Variants in LRRFIP1 observed in about 807,000 individuals in gnomAD.
LRRFIP1 encodes the protein LRR binding FLII interacting protein 1, also known as leucine-rich repeat flightless-interacting protein 1.
Under a neutral mutation model 104.4 loss-of-function variants are expected in LRRFIP1, and 62 were observed. The observed-to-expected ratio is 0.59, with a 90% CI of 0.48 to 0.73. The LOEUF is 0.73. Among genes scored for constraint, LRRFIP1 ranks in the 30% least tolerant of loss-of-function variants. The pLI, the probability that LRRFIP1 is intolerant of heterozygous loss-of-function variation, is 0.00. For missense variants in LRRFIP1, 796 were observed against 824.5 expected (o/e 0.97, Z 0.42); for synonymous variants, 300 against 299.0 (o/e 1.00, Z -0.03).
chr2:237,706,193 T>C (rs2093796581), intron 1 of LRRFIP1, among the ~76,000 whole-genome samples: 1 of 152,126 alleles, frequency 6.6e-6, no homozygotes, highest in African/African-American at 2.4e-5. Flanking sequence ...TCCCACACAG[T>C]GGGAGAGGGG....
At chr2:237,755,223 G>T (rs1218578209) in intron 15 of LRRFIP1, among the ~76,000 whole-genome samples, 3 of 152,206 alleles carry the variant, frequency 2.0e-5, no homozygotes, top group African/African-American at 4.8e-5. Context: ...AGCCTCAGGT[G>T]GGGAGGCCAG....
chr2:237,758,407 A>G (rs918766923), intron 17 of LRRFIP1, among the ~76,000 whole-genome samples: 1 of 152,214 alleles, frequency 6.6e-6, no homozygotes, highest in African/African-American at 2.4e-5. Flanking sequence ...GACTTTGCGT[A>G]ACTCTAACGC....
chr2:237,716,608 T>C (rs1559649407), intron 3 of LRRFIP1, among the ~76,000 whole-genome samples: 1 of 152,240 alleles, frequency 6.6e-6, no homozygotes, highest in Non-Finnish European at 1.5e-5. Flanking sequence ...GTAAAACAAT[T>C]TCAAAAATGG....
chr2:237,764,360 T>G, intron 19 of LRRFIP1: 1 of 1,466,030 alleles, frequency 6.8e-7, no homozygotes, highest in South Asian at 1.5e-5. Flanking sequence ...GTTATCAGTG[T>G]ACGTTCTAAT....
At chr2:237,776,504 A>G (rs2061107785) in intron 23 of LRRFIP1, among the ~76,000 whole-genome samples, 1 of 152,164 alleles carries the variant, frequency 6.6e-6, no homozygotes, top group Non-Finnish European at 1.5e-5. Flanking sequence ...TTAAATTCTC[A>G]GTAGCTGATA....
chr2:237,756,557 A>G (rs992051708), intron 16 of LRRFIP1, among the ~76,000 whole-genome samples: 4 of 152,240 alleles, frequency 2.6e-5, no homozygotes, highest in Admixed American at 1.3e-4. Flanking sequence ...ATACAGTCAC[A>G]TTGGGCATTA....
intron 1 of LRRFIP1, among the ~76,000 whole-genome samples, chr2:237,695,784 G>T (rs1444849719): frequency 1.3e-5 from 2 of 151,422 alleles, no homozygotes; most frequent in Non-Finnish European, 2.9e-5. Flanking sequence ...AAAGAAGCTT[G>T]TTTTCATGGA....
chr2:237,764,295 T>C (rs56151225), intron 19 of LRRFIP1: 66,580 of 1,540,720 alleles, frequency 0.043, 1,563 homozygotes, highest in Middle Eastern at 0.069. Flanking sequence ...AGACTGTTAC[T>C]TGTAGATTTC....
chr2:237,753,373 A>G lies in LRRFIP1; in HGVS notation c.932A>G (p.Asn311Ser), dbSNP rs1484911748. ...ATGGTTTCCAATGCTCAGCTAGACA[A>G]TGAAAAGACAAACTTCATGTACCAG... ...KAMVSNAQLD[N>S]EKTNFMYQVD... The change falls in exon 15 of 24, where the codon AAT (asparagine) becomes AGT (serine). Residue 311 changes from asparagine to serine, a missense_variant. Coordinates refer to ENST00000308482, the MANE Select transcript of LRRFIP1 (RefSeq NM_001137550.2). The G allele has an allele frequency of 6.2e-7, 1 of 1,607,410 alleles. No individual in the cohort carries two copies. The highest frequency in any genetic ancestry group is 8.5e-7 in the Non-Finnish European group (1 of 1,178,528).
In LRRFIP1 at chr2:237,739,560, T is replaced by C. The variant is rs1355905329; in HGVS notation, c.633+251T>C. ...ATGTGCACGGATGTGTGGTTTTCTT[T>C]TTATGATTTAAAAATTTGAAGTATT... is the stretch of plus-strand genomic sequence containing the variant. On this transcript the variant is annotated intron_variant, in intron 11 of 23. Coordinates refer to ENST00000308482, the MANE Select transcript of LRRFIP1 (RefSeq NM_001137550.2). Among the ~76,000 whole-genome samples, 3 of 152,310 alleles carry C rather than the reference T, an allele frequency of 2.0e-5. No individual in the cohort carries two copies. In the East Asian group the frequency reaches 5.8e-4, roughly 29 times the overall value.
In LRRFIP1 at chr2:237,717,826, A is replaced by C. The variant is rs1431907856; in HGVS notation, c.249+17A>C. ...CAGTGGATGGTAGGCCTTGAATATA[A>C]TTTTGTTTTTACTCTTCCCTCCCCA... On this transcript the variant is annotated intron_variant, in intron 4 of 23. Transcript: ENST00000308482. The surrounding 1 kb of genome is among the most constrained non-coding windows in gnomAD (Gnocchi z 4.2). 3.1e-6 allele frequency: 5 copies of C among 1,605,614 alleles called. No homozygotes were observed. The Admixed American group carries it at 8.3e-5, about 27-fold the overall frequency.
intron 1 of LRRFIP1, among the ~76,000 whole-genome samples, chr2:237,646,011 GGATAACAACA>G (rs2084855713): frequency 6.6e-6 from 1 of 151,966 alleles, no homozygotes; most frequent in South Asian, 2.1e-4. Flanking sequence ...TGGGGACTCT[GGATAACAACA>G]GACAACAACA....
intron 2 of LRRFIP1, among the ~76,000 whole-genome samples, chr2:237,710,092 A>G (rs114960922): frequency 1.9e-4 from 29 of 151,902 alleles, no homozygotes; most frequent in African/African-American, 7.0e-4. Context: ...ATCTCAAGTG[A>G]TCCTCCCGCC....
chr2:237,754,448 C>T (rs984812349), intron 15 of LRRFIP1, among the ~76,000 whole-genome samples: 1 of 152,174 alleles, frequency 6.6e-6, no homozygotes, highest in Non-Finnish European at 1.5e-5. Context: ...ACTGATTCCA[C>T]GAAGGCTGGG....
chr2:237,752,696 G>A (rs984382894), intron 14 of LRRFIP1, among the ~76,000 whole-genome samples: 11 of 152,222 alleles, frequency 7.2e-5, no homozygotes, highest in Admixed American at 7.2e-4. Context: ...GTATTTTACA[G>A]GCCTCTTTCT....
chr2:237,705,594 G>T (rs2093763007), intron 1 of LRRFIP1, among the ~76,000 whole-genome samples: 1 of 151,978 alleles, frequency 6.6e-6, no homozygotes, highest in Non-Finnish European at 1.5e-5. Flanking sequence ...AACCTGGGAG[G>T]CAGAGGTTAC....
At chr2:237,681,712 C>A (rs1191962572) in intron 1 of LRRFIP1, among the ~76,000 whole-genome samples, 3 of 25,090 alleles carry the variant, frequency 1.2e-4, no homozygotes, top group Non-Finnish European at 2.8e-4. Flanking sequence ...CGGAGTCTCG[C>A]TCTGTCGCCC....
In LRRFIP1 at chr2:237,717,839, T is replaced by C. The variant is rs762793103; in HGVS notation, c.249+30T>C. On this transcript the variant is annotated intron_variant, in intron 4 of 23. Coordinates refer to ENST00000308482, the MANE Select transcript of LRRFIP1 (RefSeq NM_001137550.2). The surrounding 1 kb of genome is among the most constrained non-coding windows in gnomAD (Gnocchi z 4.2). The stretch of plus-strand genomic sequence containing the variant: ...GCCTTGAATATAATTTTGTTTTTAC[T>C]CTTCCCTCCCCACTTGAATACAGTG... The C allele has an allele frequency of 5.3e-5, 82 of 1,549,300 alleles. No individual in the cohort carries two copies. Among genetic ancestry groups the C allele is most frequent in the Non-Finnish European group, 2.9e-5 (32 of 1,121,194 alleles).
At chr2:237,655,196 C>T (rs534199194) in intron 1 of LRRFIP1, among the ~76,000 whole-genome samples, 1 of 78,744 alleles carries the variant, frequency 1.3e-5, no homozygotes, top group African/African-American at 5.3e-5. Context: ...CTGTAAGCTT[C>T]GCCTCCCAGG....
Sources: allele counts gnomAD v4.1 joint callset (sites outside exome capture counted in the v4.1 genomes callset), GRCh38; gene constraint gnomAD v4.1.1; non-coding constraint Gnocchi (gnomAD v3.1); transcripts MANE v1.5; gene names NCBI Gene and HGNC (gene_info 2026-07-23, HGNC 2026-07-21).